RAB20: variants seen among roughly 807,000 people sequenced by gnomAD.
RAB20 encodes the protein ras-related protein Rab-20.
A neutral mutation model predicts 3.7 loss-of-function variants in RAB20; 2 were observed. The ratio of observed to expected loss-of-function variants is 0.54; its 90% CI spans 0.22 to 1.69. The LOEUF is 1.69. Ranked by LOEUF, RAB20 falls within the 40% of genes most tolerant of loss-of-function variation. The pLI, the probability that RAB20 is intolerant of heterozygous loss-of-function variation, is 0.19. For synonymous variants in RAB20, 126 were observed against 130.8 expected (o/e 0.96, Z 0.25); for missense variants, 276 against 311.9 (o/e 0.88, Z 0.87).
rs758483878 is a variant in RAB20, at chr13:110,523,633, T to C, written c.*32A>G. The C allele has an allele frequency of 7.5e-6, 12 of 1,602,252 alleles. No individual in the cohort carries two copies. Among genetic ancestry groups the C allele is most frequent in the South Asian group, 2.2e-5 (2 of 89,868 alleles). On this transcript the variant is annotated 3_prime_UTR_variant, in exon 2 of 2. Coordinates refer to ENST00000267328, the MANE Select transcript of RAB20 (RefSeq NM_017817.3). ...TGCCTGGTCAGACCCCTTCCCAACATGCACAGTCTGAGTCCAGGAGGCCCT... is the reference window on the plus strand; with the variant it reads ...TGCCTGGTCAGACCCCTTCCCAACACGCACAGTCTGAGTCCAGGAGGCCCT...
chr13:110,540,493 A>G (rs1235401576), intron 1 of RAB20, among the ~76,000 whole-genome samples: 1 of 152,246 alleles, frequency 6.6e-6, no homozygotes, highest in African/African-American at 2.4e-5. Flanking sequence ...CTGTAATCCC[A>G]GCACTTTGGG....
Position 110,555,661 on chromosome 13 carries a change from C to G in RAB20, c.172+5687G>C, listed in dbSNP as rs998560379. On this transcript the variant is annotated intron_variant, in intron 1 of 1. Transcript: ENST00000267328. The surrounding 1 kb of genome is among the most constrained non-coding windows in gnomAD (Gnocchi z 4.0). ...ACGCCACGGAAGCGCAAACGTGAATCAGCCTGTGCCTTCTGCGGGTGAAAC... is the reference window on the plus strand; with the variant it reads ...ACGCCACGGAAGCGCAAACGTGAATGAGCCTGTGCCTTCTGCGGGTGAAAC... 3.3e-5 allele frequency among the ~76,000 whole-genome samples: 5 copies of G among 152,260 alleles called. No individual in the cohort carries two copies. The highest frequency in any genetic ancestry group is 2.0e-4 in the Admixed American group (3 of 15,292).
intron 1 of RAB20, among the ~76,000 whole-genome samples, chr13:110,544,803 T>TA (rs1884824293): frequency 6.6e-6 from 1 of 152,126 alleles, no homozygotes; most frequent in African/African-American, 2.4e-5. Context: ...AAATCTCAAG[T>TA]AGGTCTCTGA....
chr13:110,527,900 T>TACACACACACACACACACACACACAC (rs61582404), intron 1 of RAB20, among the ~76,000 whole-genome samples: 1 of 138,124 alleles, frequency 7.2e-6, no homozygotes, highest in Non-Finnish European at 1.5e-5. Context: ...TCTCTACAAA[T>TACACACACACACACACACACACACAC]ACACACACAC....
intron 1 of RAB20, among the ~76,000 whole-genome samples, chr13:110,538,597 C>CAAA (rs67409356): frequency 1.7e-4 from 12 of 70,466 alleles, no homozygotes; most frequent in East Asian, 3.8e-4. Context: ...GATCTTCTCT[C>CAAA]AAAAAAAAAA....
At chr13:110,541,895 ATTTC>A (rs1351510739) in intron 1 of RAB20, among the ~76,000 whole-genome samples, 1 of 151,956 alleles carries the variant, frequency 6.6e-6, no homozygotes, top group Non-Finnish European at 1.5e-5. Flanking sequence ...TCACAGTTGC[ATTTC>A]TTTCTCCCCA....
chr13:110,546,318 A>C (rs1482100544), intron 1 of RAB20, among the ~76,000 whole-genome samples: 2 of 152,238 alleles, frequency 1.3e-5, no homozygotes. Context: ...AGACAGGATC[A>C]TATCTTCATT....
intron 1 of RAB20, among the ~76,000 whole-genome samples, chr13:110,536,519 A>T (rs543921905): frequency 1.3e-5 from 2 of 152,154 alleles, no homozygotes; most frequent in Non-Finnish European, 1.5e-5. Flanking sequence ...GGGAAGAATC[A>T]AGATGATGAT....
At chr13:110,538,633 G>GA (rs1321062386) in intron 1 of RAB20, among the ~76,000 whole-genome samples, 2 of 142,844 alleles carry the variant, frequency 1.4e-5, no homozygotes, top group African/African-American at 5.2e-5. Context: ...GAAAAGAAAA[G>GA]AAAAGAAAAA....
chr13:110,560,295 T>C (rs1885107769), intron 1 of RAB20, among the ~76,000 whole-genome samples: 1 of 152,032 alleles, frequency 6.6e-6, no homozygotes, highest in African/African-American at 2.4e-5. Flanking sequence ...ACTGGGATAA[T>C]AATAAAAAAG....
At position 110,531,093 on chromosome 13, in the gene RAB20, T is replaced by C. The variant is rs148424318; in HGVS notation, c.173-6896A>G. The stretch of plus-strand genomic sequence containing the variant: ...CAGTGTGAGTCCTCAGGGTTTATTA[T>C]GCTCGTGCAGGCTTCCCTTTCCCAT... On this transcript the variant is annotated intron_variant, in intron 1 of 1. Transcript: ENST00000267328. Among the ~76,000 whole-genome samples the C allele has an allele frequency of 2.9e-3, 449 of 152,324 alleles. 7 individuals are homozygous for C. The highest frequency in any genetic ancestry group is 0.014 in the Middle Eastern group (4 of 294).
rs11408895 is a variant in RAB20, at chr13:110,549,720, AT to A, written c.172+11627del. On this transcript the variant is annotated intron_variant, in intron 1 of 1. Transcript: ENST00000267328. ...TTTTTATCCAATCACACTTTTTTAA[AT>A]TTTTTTTTTTTTTAATTGAGATGGA... is the stretch of plus-strand genomic sequence containing the variant. Among the ~76,000 whole-genome samples, 685 of 146,794 alleles carry A rather than the reference AT, an allele frequency of 4.7e-3. 10 individuals are homozygous for A. Among genetic ancestry groups the A allele is most frequent in the African/African-American group, 0.016 (656 of 40,214 alleles).
chr13:110,553,608 C>T (rs1884993052), intron 1 of RAB20, among the ~76,000 whole-genome samples: 1 of 152,238 alleles, frequency 6.6e-6, no homozygotes, highest in African/African-American at 2.4e-5. Context: ...GTGCATGTGG[C>T]TGTGCCAATA....
intron 1 of RAB20, among the ~76,000 whole-genome samples, chr13:110,540,088 A>T (rs1884731245): frequency 6.6e-6 from 1 of 152,262 alleles, no homozygotes; most frequent in Non-Finnish European, 1.5e-5. Flanking sequence ...CTCTTCAGAC[A>T]TGAATGTACT....
intron 1 of RAB20, among the ~76,000 whole-genome samples, chr13:110,558,673 C>T (rs9301464): frequency 0.021 from 3,181 of 148,122 alleles, 127 homozygotes; most frequent in African/African-American, 0.074. Flanking sequence ...TGAGCCACCG[C>T]GCAGCCCTGT....
At chr13:110,554,960 G>C (rs1239262724) in intron 1 of RAB20, among the ~76,000 whole-genome samples, 1 of 147,222 alleles carries the variant, frequency 6.8e-6, no homozygotes. Context: ...CCAAGGGCAG[G>C]AAGACCAAGC....
At chr13:110,548,413 G>T (rs1430862944) in intron 1 of RAB20, among the ~76,000 whole-genome samples, 1 of 150,090 alleles carries the variant, frequency 6.7e-6, no homozygotes. Flanking sequence ...GAAGCTGGGA[G>T]GTGGAGGTTG....
intron 1 of RAB20, among the ~76,000 whole-genome samples, chr13:110,559,667 A>C (rs1257033067): frequency 6.6e-6 from 1 of 152,222 alleles, no homozygotes; most frequent in Admixed American, 6.5e-5. Flanking sequence ...CTCGGATGCC[A>C]GGAAATGAGC....
In RAB20 at chr13:110,561,534, C is replaced by T; in HGVS notation, c.-15G>A. On this transcript the variant is annotated 5_prime_UTR_variant, in exon 1 of 2. Transcript: ENST00000267328. ...GGCTTCCTCATCTTCCCGTAAGAAC[C>T]CCCAGCGCCCCCGCGCCCTCTCCCC... The T allele has an allele frequency of 6.5e-7, 1 of 1,544,284 alleles. No individual in the cohort carries two copies. The highest frequency in any genetic ancestry group is 8.7e-7 in the Non-Finnish European group (1 of 1,145,562).
Sources: allele counts gnomAD v4.1 joint callset (sites outside exome capture counted in the v4.1 genomes callset), GRCh38; gene constraint gnomAD v4.1.1; non-coding constraint Gnocchi (gnomAD v3.1); transcripts MANE v1.5; gene names NCBI Gene and HGNC (gene_info 2026-07-23, HGNC 2026-07-21).